ELFN1: variants seen among roughly 807,000 people sequenced by gnomAD.
The protein encoded by ELFN1 is extracellular leucine rich repeat and fibronectin type III domain containing 1.
Under a neutral mutation model 7.6 loss-of-function variants are expected in ELFN1, and 6 were observed. That is an observed-to-expected ratio of 0.79 (90% CI 0.43 to 1.56). The LOEUF is 1.56. ELFN1 is among the 40% of genes most tolerant of loss of function. ELFN1 has a pLI of 0.01. For missense variants in ELFN1, 1,169 were observed against 1,232.2 expected, an observed-to-expected ratio of 0.95 and a Z score of 0.77; for synonymous variants, 657 against 588.1, an observed-to-expected ratio of 1.12 and a Z score of -1.70.
intron 2 of ELFN1, among the ~76,000 whole-genome samples, chr7:1,696,973 G>A (rs562870572): frequency 7.9e-5 from 12 of 152,362 alleles, no homozygotes; most frequent in African/African-American, 2.9e-4. Flanking sequence ...GGGACTGCTC[G>A]TCCCCTTTCA....
intron 3 of ELFN1, among the ~76,000 whole-genome samples, chr7:1,738,071 G>A (rs985424496): frequency 1.1e-4 from 16 of 152,308 alleles, no homozygotes; most frequent in Middle Eastern, 3.4e-3. Flanking sequence ...CCTCGCCAGC[G>A]GCTGTGAGTG....
chr7:1,681,070 C>A (rs1251123137), intron 1 of ELFN1, among the ~76,000 whole-genome samples: 1 of 152,184 alleles, frequency 6.6e-6, no homozygotes, highest in Admixed American at 6.5e-5. Flanking sequence ...GGACATTTCA[C>A]ATCAATGGGA....
chr7:1,709,722 C>A (rs1475224270), intron 3 of ELFN1, among the ~76,000 whole-genome samples: 8 of 152,244 alleles, frequency 5.3e-5, no homozygotes. Context: ...GAAGCAGGTT[C>A]TTGTCTGGAA....
chr7:1,711,122 T>C (rs950498556), intron 3 of ELFN1, among the ~76,000 whole-genome samples: 1 of 152,220 alleles, frequency 6.6e-6, no homozygotes, highest in Non-Finnish European at 1.5e-5. Flanking sequence ...CCTTCCCATC[T>C]GGGATCCCTC....
chr7:1,730,241 T>G (rs974650578), intron 3 of ELFN1, among the ~76,000 whole-genome samples: 1 of 152,242 alleles, frequency 6.6e-6, no homozygotes, highest in African/African-American at 2.4e-5. Context: ...GGTGTTTGCC[T>G]GCAGGACTTT....
chr7:1,706,918 G>C (rs890611137), intron 2 of ELFN1, among the ~76,000 whole-genome samples: 19 of 152,252 alleles, frequency 1.2e-4, no homozygotes, highest in African/African-American at 4.3e-4. Context: ...GTGAGCCTTT[G>C]TGGAGAGCGA....
intron 2 of ELFN1, among the ~76,000 whole-genome samples, chr7:1,706,134 T>A (rs754823640): frequency 6.6e-6 from 1 of 152,130 alleles, no homozygotes; most frequent in Non-Finnish European, 1.5e-5. Flanking sequence ...TCTTCAAAAC[T>A]CAGCAGCTGG....
chr7:1,712,692 A>G (rs1213719865), intron 3 of ELFN1, among the ~76,000 whole-genome samples: 2 of 151,988 alleles, frequency 1.3e-5, no homozygotes, highest in Non-Finnish European at 2.9e-5. Flanking sequence ...TCAGCCTCCC[A>G]AAGTGCTGGG....
intron 3 of ELFN1, among the ~76,000 whole-genome samples, chr7:1,726,541 A>G (rs529730143): frequency 1.3e-5 from 2 of 152,252 alleles, no homozygotes; most frequent in East Asian, 3.9e-4. Context: ...GGGTCCCTGG[A>G]TCCCCTGGGG....
At chr7:1,703,334 C>T (rs1779466337) in intron 2 of ELFN1, among the ~76,000 whole-genome samples, 1 of 152,172 alleles carries the variant, frequency 6.6e-6, no homozygotes, top group Admixed American at 6.5e-5. Flanking sequence ...CTCTGCTATA[C>T]AGCTTTTAAT....
intron 1 of ELFN1, among the ~76,000 whole-genome samples, chr7:1,682,693 T>A (rs1340457325): frequency 6.6e-6 from 1 of 151,742 alleles, no homozygotes; most frequent in Non-Finnish European, 1.5e-5. Context: ...GATCTTCCCA[T>A]CTTGGCCTCT....
At chr7:1,708,496 G>A (rs1779583848) in intron 2 of ELFN1, among the ~76,000 whole-genome samples, 1 of 152,180 alleles carries the variant, frequency 6.6e-6, no homozygotes, top group South Asian at 2.1e-4. Context: ...CTCAGTGATT[G>A]GCCTGGCCTG....
At chr7:1,732,488 G>A (rs1049715771) in intron 3 of ELFN1, among the ~76,000 whole-genome samples, 16 of 152,174 alleles carry the variant, frequency 1.1e-4, no homozygotes, top group Admixed American at 2.0e-4. Flanking sequence ...AAATCAGCCC[G>A]AGGGAATAGA....
rs1285227323 is a variant in ELFN1, at chr7:1,673,089, C to CA, written c.-549+2735_-549+2736insA. 3.2e-5 allele frequency among the ~76,000 whole-genome samples: 3 copies of CA among 92,954 alleles called. No individual in the cohort carries two copies. The highest frequency in any genetic ancestry group is 1.9e-4 in the African/African-American group (2 of 10,602). 61.0% of individuals were successfully genotyped at this position (92,954 alleles called of 152,430 possible). A position where few individuals can be genotyped will look rare whatever the true frequency, so the allele number is the denominator to read the frequency against. The stretch of plus-strand genomic sequence containing the variant: ...TACATTTGTCATCTCTCCAGCGCCC[C>CA]CCCCCGCTCTTTCCTTTTTGTTTTT... On this transcript the variant is annotated intron_variant, in intron 1 of 3. Transcript: ENST00000424383. This position sits in a 1 kb window ranked among gnomAD's most constrained non-coding sequence, Gnocchi z 4.7.
intron 3 of ELFN1, among the ~76,000 whole-genome samples, chr7:1,717,181 C>T (rs1779861468): frequency 1.3e-5 from 2 of 152,184 alleles, no homozygotes; most frequent in Admixed American, 1.3e-4. Context: ...CAGACAGGGG[C>T]CGTGCATCTG....
At chr7:1,710,753 G>A (rs936584272) in intron 3 of ELFN1, among the ~76,000 whole-genome samples, 23 of 152,330 alleles carry the variant, frequency 1.5e-4, no homozygotes, top group African/African-American at 5.5e-4. Flanking sequence ...AGGGCAGGCT[G>A]CTCCCTGCCC....
rs560834102 is a variant in ELFN1 at position 1,705,008 on chromosome 7, A to G, written c.-455-4083A>G. ...GAGCCAGCCTGGGTGGGTCTGCGAGAGGCTCCCAGGCAGAGGGCACAGCAA... is the reference window on the plus strand; with the variant it reads ...GAGCCAGCCTGGGTGGGTCTGCGAGGGGCTCCCAGGCAGAGGGCACAGCAA... On this transcript the variant is annotated intron_variant, in intron 2 of 3. Coordinates refer to ENST00000424383, the MANE Select transcript of ELFN1 (RefSeq NM_001128636.4). This position sits in a 1 kb window ranked among gnomAD's most constrained non-coding sequence, Gnocchi z 4.3. Among the ~76,000 whole-genome samples, 1 of 152,226 alleles carries G rather than the reference A, an allele frequency of 6.6e-6. No individual in the cohort carries two copies. Among genetic ancestry groups the G allele is most frequent in the East Asian group, 1.9e-4 (1 of 5,158 alleles).
chr7:1,746,230 G>T lies in ELFN1; in HGVS notation c.1634G>T (p.Gly545Val), dbSNP rs769042444. The T allele has an allele frequency of 3.3e-5, 51 of 1,563,126 alleles. No individual in the cohort carries two copies. Among genetic ancestry groups the T allele is most frequent in the Non-Finnish European group, 4.2e-5 (48 of 1,155,976 alleles). ...AGGGACTGTGAGCTGGGCCGGCCGGGCCCCGACAGCCAGAGTTCGGTGGCC... is the reference window on the plus strand; with the variant it reads ...AGGGACTGTGAGCTGGGCCGGCCGGTCCCCGACAGCCAGAGTTCGGTGGCC... ...ERRDCELGRP[G>V]PDSQSSVAEI... The change falls in exon 4 of 4, where the codon GGC becomes GTC. Residue 545 changes from glycine to valine, a missense_variant. This residue lies in a region of ELFN1 where 914 missense variants were observed against 872.6 expected (regional missense o/e 1.05). Coordinates refer to ENST00000424383, the MANE Select transcript of ELFN1 (RefSeq NM_001128636.4).
In ELFN1 at chr7:1,706,424, AAAAACAAAACAAAAC is replaced by A. The variant is rs57052038; in HGVS notation, c.-455-2635_-455-2621del. The stretch of plus-strand genomic sequence containing the variant: ...GCAACAGAGTGAGACTCTGTCTCAA[AAAAACAAAACAAAAC>A]AAAACAAAACAAAACAAAACAAAAC... On this transcript the variant is annotated intron_variant, in intron 2 of 3. Transcript: ENST00000424383. Among the ~76,000 whole-genome samples the A allele has an allele frequency of 3.8e-3, 571 of 149,218 alleles. 4 individuals are homozygous for A. Among genetic ancestry groups the A allele is most frequent in the African/African-American group, 0.012 (487 of 39,944 alleles).
Sources: gnomAD v4.1 joint callset for allele counts (sites outside exome capture counted in the v4.1 genomes callset) on GRCh38, gnomAD v4.1.1 for gene constraint, gnomAD v4.1.1 regional missense constraint, Gnocchi (gnomAD v3.1) non-coding constraint, MANE v1.5 for transcripts, NCBI Gene and HGNC (gene_info 2026-07-23, HGNC 2026-07-21) for gene names.